Variants in AGO2 observed in about 807,000 individuals in gnomAD.
AGO2 encodes argonaute RISC catalytic component 2.
Under a neutral mutation model 102.3 loss-of-function variants are expected in AGO2, and 5 were observed. The observed-to-expected ratio is 0.05, with a 90% confidence interval of 0.03 to 0.10. The LOEUF (loss-of-function observed/expected upper bound fraction) is 0.10. Among genes scored for constraint, AGO2 ranks in the 10% least tolerant of loss-of-function variants. The probability of loss-of-function intolerance (pLI) is 1.00; values close to 1 mark genes in which losing one functional copy is unlikely to be tolerated. For synonymous variants in AGO2, 449 were observed against 473.1 expected, an observed-to-expected ratio of 0.95 and a Z score of 0.66; for missense variants, 541 against 1,183.7, an observed-to-expected ratio of 0.46 and a Z score of 7.97.
At chr8:140,614,800 C>T (rs535394571) in intron 1 of AGO2, among the ~76,000 whole-genome samples, 5 of 152,226 alleles carry the variant, frequency 3.3e-5, no homozygotes, top group South Asian at 2.1e-4. Flanking sequence ...GAGTCATGAC[C>T]GCCTAAAGCC....
chr8:140,538,881 G>A (rs981532201), intron 16 of AGO2, among the ~76,000 whole-genome samples: 4 of 152,164 alleles, frequency 2.6e-5, no homozygotes, highest in Admixed American at 1.3e-4. Context: ...CAAGAGGATG[G>A]CTTAAGCCCA....
Position 140,555,781 on chromosome 8 carries a change from G to T in AGO2, c.1269+115C>A. ...TTACAGGCTCAGCCGGGAGTAGAAA[G>T]GATTCTCCTGCATGGAACACAGTCT... On this transcript the variant is annotated intron_variant, in intron 10 of 18. Transcript: ENST00000220592. The T allele has an allele frequency of 2.1e-6, 3 of 1,396,084 alleles. 1 individual carries two copies. The highest frequency in any genetic ancestry group is 3.1e-5 in the South Asian group (2 of 64,404). 86.5% of individuals were successfully genotyped at this position (1,396,084 alleles called of 1,614,324 possible). A position where few individuals can be genotyped will look rare whatever the true frequency, so the allele number is the denominator to read the frequency against.
In AGO2 at chr8:140,589,079, G is replaced by C. The variant is rs1193960504; in HGVS notation, c.23-3768C>G. ...TGGGCGGCAGGCGAGCCTCCTGCAG[G>C]AGCAGGCGGTCCCCTGAAGAAACTC... On this transcript the variant is annotated intron_variant, in intron 1 of 18. Transcript: ENST00000220592. The surrounding 1 kb of genome is among the most constrained non-coding windows in gnomAD (Gnocchi z 4.2). 2.0e-5 allele frequency among the ~76,000 whole-genome samples: 3 copies of C among 152,354 alleles called. No individual in the cohort carries two copies. The highest frequency in any genetic ancestry group is 7.2e-5 in the African/African-American group (3 of 41,596).
At position 140,539,061 on chromosome 8, in the gene AGO2, C is replaced by T. The variant is rs977626451; in HGVS notation, c.2169+259G>A. Among the ~76,000 whole-genome samples, 3 of 152,210 alleles carry T rather than the reference C, an allele frequency of 2.0e-5. No homozygotes were observed. The highest frequency in any genetic ancestry group is 7.2e-5 in the African/African-American group (3 of 41,450). On this transcript the variant is annotated intron_variant, in intron 16 of 18. Transcript: ENST00000220592. The surrounding 1 kb of genome is among the most constrained non-coding windows in gnomAD (Gnocchi z 4.7). ...GAGGCTGCAGTAAGCTATGATCGCACCACTGCACTCTAGCCTGGGTGACAG... is the reference window on the plus strand; with the variant it reads ...GAGGCTGCAGTAAGCTATGATCGCATCACTGCACTCTAGCCTGGGTGACAG...
chr8:140,625,897 A>G (rs540104326), intron 1 of AGO2, among the ~76,000 whole-genome samples: 3 of 152,354 alleles, frequency 2.0e-5, no homozygotes, highest in Non-Finnish European at 2.9e-5. Flanking sequence ...CAGCACTGAG[A>G]ATCCATCCAC....
intron 1 of AGO2, among the ~76,000 whole-genome samples, chr8:140,610,862 T>A (rs1277681949): frequency 6.6e-6 from 1 of 152,224 alleles, no homozygotes; most frequent in African/African-American, 2.4e-5. Context: ...AGGCGGCCAC[T>A]CCATGCAGAT....
intron 1 of AGO2, among the ~76,000 whole-genome samples, chr8:140,586,028 T>G (rs2073649521): frequency 6.6e-6 from 1 of 152,252 alleles, no homozygotes; most frequent in African/African-American, 2.4e-5. Context: ...TCAAGGTTAT[T>G]AAACTCACTG....
intron 1 of AGO2, among the ~76,000 whole-genome samples, chr8:140,597,707 A>C: frequency 6.6e-6 from 1 of 152,174 alleles, no homozygotes; most frequent in East Asian, 1.9e-4. Flanking sequence ...AAAAAAAAAA[A>C]AGACATCAAA....
intron 2 of AGO2, among the ~76,000 whole-genome samples, chr8:140,576,095 T>C (rs1470189139): frequency 6.6e-6 from 1 of 152,134 alleles, no homozygotes. Flanking sequence ...GGCGGATCAC[T>C]TGGGATCAGG....
Position 140,582,925 on chromosome 8 carries a change from T to C in AGO2, c.215+2194A>G, listed in dbSNP as rs149694099. 1.7e-3 allele frequency among the ~76,000 whole-genome samples: 263 copies of C among 152,268 alleles called. 3 individuals carry two copies. The South Asian group carries it at 0.026, about 15-fold the overall frequency. The stretch of plus-strand genomic sequence containing the variant: ...TTTTTAGGTGCCAATGTGTCTAGAT[T>C]AAAGAATAATCCAGAGAACTGGTAA... On this transcript the variant is annotated intron_variant, in intron 2 of 18. Coordinates refer to ENST00000220592, the MANE Select transcript of AGO2 (RefSeq NM_012154.5).
chr8:140,629,214 G>A (rs1185861466), intron 1 of AGO2, among the ~76,000 whole-genome samples: 2 of 152,186 alleles, frequency 1.3e-5, no homozygotes, highest in African/African-American at 4.8e-5. Context: ...CGAAACAGTA[G>A]GGGCCAGGCT....
intron 16 of AGO2, among the ~76,000 whole-genome samples, chr8:140,538,490 C>T (rs758425254): frequency 9.2e-5 from 14 of 152,232 alleles, no homozygotes; most frequent in East Asian, 1.9e-4. Context: ...TCCTGCCTTT[C>T]GTCAGCTGTG....
intron 1 of AGO2, among the ~76,000 whole-genome samples, chr8:140,619,983 C>T (rs2074197112): frequency 6.6e-6 from 1 of 152,180 alleles, no homozygotes; most frequent in African/African-American, 2.4e-5. Flanking sequence ...GTTTCTAGCA[C>T]CATCCTCCAA....
In AGO2 at chr8:140,551,358, C is replaced by T. The variant is rs1384149030; in HGVS notation, c.1348G>A (p.Val450Met). The T allele has an allele frequency of 1.9e-6, 3 of 1,599,090 alleles. No homozygotes were observed. In the African/African-American group the frequency reaches 4.0e-5, roughly 21 times the overall value. The change falls in exon 11 of 19, where the codon GTG becomes ATG. Residue 450 changes from valine (V) to methionine (M), a missense_variant. Val to Met is a conservative substitution (Grantham distance 21). Around this residue, in one of 6 missense-constraint regions of AGO2, gnomAD observed 309 missense variants for 735.1 expected, o/e 0.42. Transcript: ENST00000220592. ...GGGGCGAAGCACGCAATGGCCCACA[C>T]CTTGATCTCGATGCCCGTGTGGAAC... ...KQFHTGIEIK[V>M]WAIACFAPQR... is the part of the protein sequence containing the mutation.
At chr8:140,607,679 A>G (rs989206193) in intron 1 of AGO2, among the ~76,000 whole-genome samples, 5 of 151,990 alleles carry the variant, frequency 3.3e-5, no homozygotes, top group Admixed American at 1.3e-4. Context: ...GAAAGAAGCC[A>G]GACACAAAAG....
In AGO2 at chr8:140,523,714, G is replaced by C. The variant is rs2132832275; in HGVS notation, c.*8330C>G. The stretch of plus-strand genomic sequence containing the variant: ...TCAATGCAACGCCACCCTCCATACT[G>C]TAGGATTTGAGTCACGCGTGTCTGT... On this transcript the variant is annotated 3_prime_UTR_variant, in exon 19 of 19. Coordinates refer to ENST00000220592, the MANE Select transcript of AGO2 (RefSeq NM_012154.5). 6.6e-6 allele frequency: 1 copy of C among 152,292 alleles called. No homozygotes were observed. The allele number at this position is 152,292 out of a possible 1,614,324, so 9.4% of individuals were successfully genotyped here.
chr8:140,583,115 G>A (rs1331924167), intron 2 of AGO2, among the ~76,000 whole-genome samples: 2 of 152,202 alleles, frequency 1.3e-5, no homozygotes, highest in African/African-American at 2.4e-5. Flanking sequence ...TCCCTCCTGG[G>A]GCTGGGGCAC....
intron 1 of AGO2, among the ~76,000 whole-genome samples, chr8:140,619,944 G>A (rs1195847193): frequency 6.6e-6 from 1 of 152,158 alleles, no homozygotes; most frequent in Non-Finnish European, 1.5e-5. Flanking sequence ...GTGTGGACGC[G>A]TGTGTCTCCT....
intron 1 of AGO2, among the ~76,000 whole-genome samples, chr8:140,598,642 C>G (rs1406849558): frequency 6.6e-6 from 1 of 152,246 alleles, no homozygotes; most frequent in East Asian, 1.9e-4. Flanking sequence ...TGAGCCCCAC[C>G]AGGAGGAAGC....
Sources: gnomAD v4.1 joint callset for allele counts (sites outside exome capture counted in the v4.1 genomes callset) on GRCh38, gnomAD v4.1.1 for gene constraint, gnomAD v4.1.1 regional missense constraint, Gnocchi (gnomAD v3.1) non-coding constraint, MANE v1.5 for transcripts, NCBI Gene and HGNC (gene_info 2026-07-23, HGNC 2026-07-21) for gene names.